The following MDGA1 variants were observed in gnomAD, a reference collection of about 807,000 sequenced individuals.
MDGA1 encodes MAM domain containing glycosylphosphatidylinositol anchor 1.
Under a neutral mutation model 101.5 loss-of-function variants are expected in MDGA1, and 54 were observed. That is an observed-to-expected ratio of 0.53 (90% CI 0.43 to 0.67). The LOEUF is 0.67. Ranked by LOEUF, MDGA1 falls within the 30% of genes least tolerant of loss-of-function variation. The pLI is 0.00. For missense variants in MDGA1, 1,083 were observed against 1,323.8 expected, an observed-to-expected ratio of 0.82 and a Z score of 2.82; for synonymous variants, 533 against 558.3, an observed-to-expected ratio of 0.95 and a Z score of 0.64.
At chr6:37,658,108 A>G in intron 3 of MDGA1, 137 bp downstream of exon 3, 1 of 947,138 alleles carries the variant, frequency 1.1e-6, no homozygotes, top group Non-Finnish European at 1.5e-6. Context: ...ACCGCCTGGT[A>G]CCTCTTAGGC....
At position 37,696,862 on chromosome 6, in the gene MDGA1, C is replaced by T. The variant is rs1762432162; in HGVS notation, c.-51G>A. The T allele has an allele frequency of 4.6e-6, 7 of 1,507,712 alleles. No individual in the cohort carries two copies. The highest frequency in any genetic ancestry group is 5.4e-6 in the Non-Finnish European group (6 of 1,108,550). The allele number at this position is 1,507,712 out of a possible 1,614,324, so 93.4% of individuals were successfully genotyped here. A position where few individuals can be genotyped will look rare whatever the true frequency, so the allele number is the denominator to read the frequency against. On this transcript the variant is annotated 5_prime_UTR_variant, in exon 1 of 17. Coordinates refer to ENST00000434837, the MANE Select transcript of MDGA1 (RefSeq NM_153487.4). This position sits in a 1 kb window ranked among gnomAD's most constrained non-coding sequence, Gnocchi z 5.6. ...CGAGGCGGCGCAGCCCGAGAGGCGG[C>T]GGGGGGCGCATTCGCCGGGGCCCCG...
At chr6:37,671,235 TA>T (rs1399384030) in intron 1 of MDGA1, among the ~76,000 whole-genome samples, 1 of 152,338 alleles carries the variant, frequency 6.6e-6, no homozygotes, top group East Asian at 1.9e-4. Context: ...GAGAAAGACT[TA>T]GCACACAAAG....
intron 2 of MDGA1, among the ~76,000 whole-genome samples, chr6:37,660,036 C>CTCT (rs1554134591): frequency 1.4e-5 from 2 of 142,938 alleles, no homozygotes; most frequent in Non-Finnish European, 3.0e-5. Flanking sequence ...TTATCTCTCT[C>CTCT]TTTTTTTTTT....
In MDGA1 at chr6:37,655,957, G is replaced by C. The variant is rs1413349712; in HGVS notation, c.383-61C>G. The C allele has an allele frequency of 7.1e-7, 1 of 1,418,214 alleles. No homozygotes were observed. Among genetic ancestry groups the C allele is most frequent in the Non-Finnish European group, 9.5e-7 (1 of 1,049,522 alleles). The allele number at this position is 1,418,214 out of a possible 1,614,324, so 87.9% of individuals were successfully genotyped here. A position where few individuals can be genotyped will look rare whatever the true frequency, so the allele number is the denominator to read the frequency against. On this transcript the variant is annotated intron_variant, in intron 3 of 16. Transcript: ENST00000434837. The surrounding 1 kb of genome is among the most constrained non-coding windows in gnomAD (Gnocchi z 5.1). ...GTGACCCCAAGGTTGGGGGGCTCAG[G>C]CTCCTGGCAGCCCTTAGGAAGAGCT...
chr6:37,682,128 T>C (rs2114094060), intron 1 of MDGA1, among the ~76,000 whole-genome samples: 1 of 152,332 alleles, frequency 6.6e-6, no homozygotes, highest in South Asian at 2.1e-4. Flanking sequence ...CACTGGCAGA[T>C]ACAGCAGGGC....
In MDGA1 at chr6:37,664,119, G is replaced by A; in HGVS notation, c.68-13C>T. The A allele has an allele frequency of 1.2e-6, 2 of 1,613,748 alleles. No homozygotes were observed. The highest frequency in any genetic ancestry group is 1.7e-6 in the Non-Finnish European group (2 of 1,179,858). On this transcript the variant is annotated splice_polypyrimidine_tract_variant and intron_variant, in intron 1 of 16. Coordinates refer to ENST00000434837, the MANE Select transcript of MDGA1 (RefSeq NM_153487.4). ...GCCTGGGCTGGAGCTGGCAGGAGAG[G>A]ATGGAGGAGGAGGTTTAGAGAAGAG...
intron 2 of MDGA1, among the ~76,000 whole-genome samples, chr6:37,660,486 C>G (rs1761598084): frequency 6.6e-6 from 1 of 152,108 alleles, no homozygotes; most frequent in East Asian, 1.9e-4. Context: ...CTGATTTCCT[C>G]AGATCTATTA....
In MDGA1 at chr6:37,664,086, C is replaced by T. The variant is rs755556368; in HGVS notation, c.88G>A (p.Val30Met). The T allele has an allele frequency of 4.2e-5, 67 of 1,613,764 alleles. No individual in the cohort carries two copies. Among genetic ancestry groups the T allele is most frequent in the Admixed American group, 2.0e-4 (12 of 60,004 alleles). ...GVYAPAQAQIVHAGQACVVKE... is the reference protein window; with the variant it reads ...GVYAPAQAQIMHAGQACVVKE... ...ACCACACATGCCTGGCCCGCATGCA[C>T]GATCTGCGCCTGGGCTGGAGCTGGC... The change falls in exon 2 of 17, where the codon GTG becomes ATG. Residue 30 changes from valine to methionine, a missense_variant. Around this residue, in one of 3 missense-constraint regions of MDGA1, gnomAD observed 310 missense variants for 355.9 expected, o/e 0.87. Transcript: ENST00000434837.
At chr6:37,666,519 C>T (rs573760344) in intron 1 of MDGA1, among the ~76,000 whole-genome samples, 4 of 152,246 alleles carry the variant, frequency 2.6e-5, no homozygotes, top group African/African-American at 9.6e-5. Context: ...CAGTGACAGG[C>T]GCCTTCCTTC....
chr6:37,645,911 A>G (rs1275413019), intron 12 of MDGA1, 22 bp downstream of exon 12: 1 of 1,613,928 alleles, frequency 6.2e-7, no homozygotes, highest in Non-Finnish European at 8.5e-7. Context: ...AGGGGAAGTC[A>G]TGGGTGACTG....
rs1281819233 is a variant in MDGA1 at position 37,696,256 on chromosome 6, TAGA to T, written c.67+486_67+488del. Among the ~76,000 whole-genome samples, 2 of 151,962 alleles carry T rather than the reference TAGA, an allele frequency of 1.3e-5. No homozygotes were observed. Among genetic ancestry groups the T allele is most frequent in the Non-Finnish European group, 2.9e-5 (2 of 67,946 alleles). On this transcript the variant is annotated intron_variant, in intron 1 of 16. Coordinates refer to ENST00000434837, the MANE Select transcript of MDGA1 (RefSeq NM_153487.4). This position sits in a 1 kb window ranked among gnomAD's most constrained non-coding sequence, Gnocchi z 5.6. ...CCTGATCAGGGTGTCAAGCCCTGAG[TAGA>T]AGAAGCGAAGCCGCAGCAACAGCGG...
intron 12 of MDGA1, among the ~76,000 whole-genome samples, chr6:37,644,934 A>T (rs1359430865): frequency 6.6e-6 from 1 of 152,392 alleles, no homozygotes; most frequent in South Asian, 2.1e-4. Context: ...GATTATAAAG[A>T]AAATCAATTA....
In MDGA1 at chr6:37,650,398, G is replaced by A. The variant is rs1328602381; in HGVS notation, c.1320C>T (p.Pro440=). ...EVNISSETVP[P]TISVPKGRAV... ...CCCTACCCTTGGGCACACTGATGGT[G>A]GGCGGCACTGTGGGGGTGATGGTGA... Residue 440 remains proline, a synonymous_variant, in exon 8 of 17, where the codon CCC becomes CCT. Coordinates refer to ENST00000434837, the MANE Select transcript of MDGA1 (RefSeq NM_153487.4). 6.5e-7 allele frequency: 1 copy of A among 1,544,680 alleles called. No individual in the cohort carries two copies. Among genetic ancestry groups the A allele is most frequent in the East Asian group, 2.3e-5 (1 of 43,116 alleles).
intron 16 of MDGA1, chr6:37,637,903 A>G (rs1277755355): frequency 1.9e-6 from 1 of 527,456 alleles, no homozygotes; most frequent in African/African-American, 1.9e-5. Context: ...GCACACGTTC[A>G]CCTCTGGAGC....
At chr6:37,685,801 G>A (rs945407858) in intron 1 of MDGA1, among the ~76,000 whole-genome samples, 6 of 152,102 alleles carry the variant, frequency 3.9e-5, no homozygotes, top group East Asian at 1.9e-4. Flanking sequence ...CCTCTAGGTC[G>A]CTGTCTTTCC....
chr6:37,683,066 T>C (rs757056478), intron 1 of MDGA1, among the ~76,000 whole-genome samples: 4 of 152,176 alleles, frequency 2.6e-5, no homozygotes, highest in Non-Finnish European at 5.9e-5. Context: ...CCCACCTCTA[T>C]GTTGGTTTTA....
chr6:37,665,534 T>C (rs1419656418), intron 1 of MDGA1, among the ~76,000 whole-genome samples: 2 of 152,172 alleles, frequency 1.3e-5, no homozygotes, highest in Non-Finnish European at 2.9e-5. Context: ...CTCTAGCAGC[T>C]AAACAAGCCC....
intron 2 of MDGA1, among the ~76,000 whole-genome samples, chr6:37,662,008 G>A: frequency 6.6e-6 from 1 of 150,478 alleles, no homozygotes. Flanking sequence ...AAAAAGAAAA[G>A]AAAAATTAGC....
rs1384382812 is a variant in MDGA1, at chr6:37,655,638, GC to G, written c.579+61del. The G allele has an allele frequency of 5.2e-6, 7 of 1,343,152 alleles. No individual in the cohort carries two copies. The East Asian group carries it at 1.5e-4, about 28-fold the overall frequency. The allele number at this position is 1,343,152 out of a possible 1,614,324, so 83.2% of individuals were successfully genotyped here. ...GGCAGTCCCAAAAACTCAGCCCCAT[GC>G]CCCCCTCCCCTGTTGGATGCAGGAG... On this transcript the variant is annotated intron_variant, in intron 4 of 16. Coordinates refer to ENST00000434837, the MANE Select transcript of MDGA1 (RefSeq NM_153487.4). This position sits in a 1 kb window ranked among gnomAD's most constrained non-coding sequence, Gnocchi z 5.1.
Sources: allele counts gnomAD v4.1 joint callset (sites outside exome capture counted in the v4.1 genomes callset), GRCh38; gene constraint gnomAD v4.1.1; regional missense constraint gnomAD v4.1.1; non-coding constraint Gnocchi (gnomAD v3.1); transcripts MANE v1.5; gene names NCBI Gene and HGNC (gene_info 2026-07-23, HGNC 2026-07-21).